The following GDPD1 variants were observed in gnomAD, a reference collection of about 807,000 sequenced individuals.
The protein encoded by GDPD1 is glycerophosphodiester phosphodiesterase domain containing 1.
GDPD1 carries 28 observed loss-of-function variants against 45.1 expected under a neutral mutation model. That is an observed-to-expected ratio of 0.62 (90% CI 0.46 to 0.85). The LOEUF (loss-of-function observed/expected upper bound fraction) is 0.85. Among genes scored for constraint, GDPD1 ranks in the 40% least tolerant of loss-of-function variants. The probability of loss-of-function intolerance (pLI) is 0.00; values close to 1 mark genes in which losing one functional copy is unlikely to be tolerated. For synonymous variants in GDPD1, 139 were observed against 131.4 expected, an observed-to-expected ratio of 1.06 and a Z score of -0.40; for missense variants, 256 against 364.8, an observed-to-expected ratio of 0.70 and a Z score of 2.43.
intron 9 of GDPD1, among the ~76,000 whole-genome samples, chr17:59,273,436 G>A (rs953778099): frequency 6.6e-6 from 1 of 151,816 alleles, no homozygotes; most frequent in Non-Finnish European, 1.5e-5. Flanking sequence ...CCAGGAGTCT[G>A]TATATTTAAC....
intron 4 of GDPD1, among the ~76,000 whole-genome samples, chr17:59,256,533 T>G (rs1444348703): frequency 6.6e-6 from 1 of 152,200 alleles, no homozygotes; most frequent in African/African-American, 2.4e-5. Context: ...AATGATGATA[T>G]AGCAAAACTT....
chr17:59,250,097 A>G (rs1597978132), intron 4 of GDPD1, among the ~76,000 whole-genome samples: 1 of 152,112 alleles, frequency 6.6e-6, no homozygotes, highest in South Asian at 2.1e-4. Flanking sequence ...AACATTAGCT[A>G]TTTCTAAGGG....
intron 3 of GDPD1, among the ~76,000 whole-genome samples, chr17:59,246,520 C>A (rs2047212486): frequency 6.6e-6 from 1 of 151,504 alleles, no homozygotes; most frequent in Non-Finnish European, 1.5e-5. Flanking sequence ...ACCGCCCTGG[C>A]CAACATGGTG....
rs764983930 is a variant in GDPD1 at position 59,220,641 on chromosome 17, C to T, written c.32C>T (p.Ser11Phe). The T allele has an allele frequency of 5.0e-6, 8 of 1,613,854 alleles. No individual in the cohort carries two copies. Among genetic ancestry groups the T allele is most frequent in the Non-Finnish European group, 6.8e-6 (8 of 1,179,944 alleles). MSSTAAFYLL[S>F]TLGGYLVTSF... ...TCCACTGCGGCTTTTTACCTTCTCT[C>T]TACGCTAGGAGGATACTTGGTGACC... Residue 11 changes from serine to phenylalanine, a missense_variant, in exon 1 of 10, where the codon TCT becomes TTT. By Grantham distance (155) the Ser-to-Phe change is radical (BLOSUM62 -2). Transcript: ENST00000284116.
In GDPD1 at chr17:59,274,921, A is replaced by C. The variant is rs1192895215; in HGVS notation, c.*1148A>C. 6.7e-6 allele frequency among the ~76,000 whole-genome samples: 1 copy of C among 149,586 alleles called. No individual in the cohort carries two copies. The highest frequency in any genetic ancestry group is 1.5e-5 in the Non-Finnish European group (1 of 67,582). The stretch of plus-strand genomic sequence containing the variant: ...CAGTGGTGCGATCTTGGCTCACTGC[A>C]ACCTCTGCCTCCCAGGTTCCAGCAA... On this transcript the variant is annotated 3_prime_UTR_variant, in exon 10 of 10. Coordinates refer to ENST00000284116, the MANE Select transcript of GDPD1 (RefSeq NM_182569.4).
intron 7 of GDPD1, among the ~76,000 whole-genome samples, chr17:59,267,607 C>G (rs919717246): frequency 6.6e-6 from 1 of 151,276 alleles, no homozygotes; most frequent in African/African-American, 2.4e-5. Context: ...ATAAAAACCT[C>G]TGGAGATAGG....
chr17:59,243,916 A>C (rs561984201), intron 2 of GDPD1, among the ~76,000 whole-genome samples: 15 of 152,308 alleles, frequency 9.8e-5, no homozygotes, highest in Non-Finnish European at 2.1e-4. Context: ...AACATTAGAA[A>C]ATATGGAACA....
chr17:59,221,187 AG>A (rs2047001536), intron 1 of GDPD1, among the ~76,000 whole-genome samples: 1 of 151,956 alleles, frequency 6.6e-6, no homozygotes, highest in South Asian at 2.1e-4. Context: ...GGATGGGAAG[AG>A]CCGAGGCGAC....
chr17:59,230,023 C>T (rs148130886), intron 1 of GDPD1, among the ~76,000 whole-genome samples: 53 of 152,148 alleles, frequency 3.5e-4, no homozygotes, highest in Non-Finnish European at 6.8e-4. Context: ...GTGAAAATAT[C>T]AAAAAGGACC....
chr17:59,275,539 C>T lies in GDPD1; in HGVS notation c.*1766C>T, dbSNP rs9893593. On this transcript the variant is annotated 3_prime_UTR_variant, in exon 10 of 10. Transcript: ENST00000284116. ...AAATGTAAGATTTCCATTTTTGGCA[C>T]TGACTAACTGAGCCTACATCTAGAT... The T allele has an allele frequency of 0.43, 82,453 of 192,118 alleles. 19,974 individuals carry two copies. Among genetic ancestry groups the T allele is most frequent in the African/African-American group, 0.7 (29,755 of 42,544 alleles). The allele number at this position is 192,118 out of a possible 1,614,324, so 11.9% of individuals were successfully genotyped here.
At chr17:59,227,999 G>A (rs1455005748) in intron 1 of GDPD1, among the ~76,000 whole-genome samples, 3 of 151,798 alleles carry the variant, frequency 2.0e-5, no homozygotes, top group East Asian at 3.9e-4. Flanking sequence ...GTGAAACCCC[G>A]TCTCTACTAA....
In GDPD1 at chr17:59,275,612, A is replaced by G. The variant is rs150277673; in HGVS notation, c.*1839A>G. On this transcript the variant is annotated 3_prime_UTR_variant, in exon 10 of 10. Transcript: ENST00000284116. The stretch of plus-strand genomic sequence containing the variant: ...AATAATTAAACTGATGAAAGTGCAT[A>G]TCATTGTTCCTAACATTTATGAACC... 6.2e-6 allele frequency: 1 copy of G among 162,374 alleles called. No individual in the cohort carries two copies. The highest frequency in any genetic ancestry group is 1.7e-4 in the East Asian group (1 of 5,786). 10.1% of individuals were successfully genotyped at this position (162,374 alleles called of 1,614,324 possible).
rs2047031165 is a variant in GDPD1, at chr17:59,224,546, AC to A, written c.142+3798del. Reference sequence around the variant, plus strand: ...AGGCTGAGGCAGGAGAATGGCGTGAACCCGGGAGGCGGAGCTGGCAGTGAGC... The same window carrying A: ...AGGCTGAGGCAGGAGAATGGCGTGAACCGGGAGGCGGAGCTGGCAGTGAGC... On this transcript the variant is annotated intron_variant, in intron 1 of 9. Coordinates refer to ENST00000284116, the MANE Select transcript of GDPD1 (RefSeq NM_182569.4). 2.0e-5 allele frequency among the ~76,000 whole-genome samples: 3 copies of A among 149,966 alleles called. No individual in the cohort carries two copies. The South Asian group carries it at 6.4e-4, about 32-fold the overall frequency.
chr17:59,272,027 C>G (rs2047448272), intron 8 of GDPD1, among the ~76,000 whole-genome samples: 3 of 151,974 alleles, frequency 2.0e-5, no homozygotes, highest in Admixed American at 2.0e-4. Flanking sequence ...GATTTAAGCT[C>G]TAGTTTTCAA....
intron 2 of GDPD1, among the ~76,000 whole-genome samples, chr17:59,234,753 G>T (rs1394536238): frequency 5.9e-5 from 9 of 152,124 alleles, no homozygotes; most frequent in Admixed American, 5.9e-4. Context: ...GGAGTTTAGG[G>T]TAATCAAAAG....
chr17:59,257,307 C>G (rs12450435), intron 5 of GDPD1, 67 bp downstream of exon 5: 284,046 of 775,688 alleles, frequency 0.37, 54,361 homozygotes, highest in African/African-American at 0.57. Flanking sequence ...AGGTTAGAGT[C>G]AGTGACTGCA....
At chr17:59,242,567 C>T in intron 2 of GDPD1, among the ~76,000 whole-genome samples, 1 of 152,262 alleles carries the variant, frequency 6.6e-6, no homozygotes, top group East Asian at 1.9e-4. Context: ...AAAATTTACA[C>T]ACAAACTTTT....
intron 5 of GDPD1, 122 bp from the exon 6 acceptor site, chr17:59,257,629 A>T (rs996635282): frequency 1.6e-6 from 1 of 633,740 alleles, no homozygotes; most frequent in Non-Finnish European, 2.8e-6. Flanking sequence ...TTACATATTG[A>T]TTCTTCCAAA....
At chr17:59,269,818 G>A (rs2047431242) in intron 7 of GDPD1, among the ~76,000 whole-genome samples, 1 of 152,110 alleles carries the variant, frequency 6.6e-6, no homozygotes, top group Non-Finnish European at 1.5e-5. Context: ...GCAAGACTCT[G>A]CCAATAAATA....
Sources: gnomAD v4.1 joint callset for allele counts (sites outside exome capture counted in the v4.1 genomes callset) on GRCh38, gnomAD v4.1.1 for gene constraint, MANE v1.5 for transcripts, NCBI Gene and HGNC (gene_info 2026-07-23, HGNC 2026-07-21) for gene names.